FRK: variants seen among roughly 807,000 people sequenced by gnomAD.
The protein encoded by FRK is tyrosine-protein kinase FRK.
Under a neutral mutation model 56.4 loss-of-function variants are expected in FRK, and 51 were observed. That is an observed-to-expected ratio of 0.90 (90% CI 0.72 to 1.14). FRK has a LOEUF of 1.14. Ranked by LOEUF, FRK falls within the 50% of genes most tolerant of loss-of-function variation. The probability of loss-of-function intolerance (pLI) is 0.00; values close to 1 mark genes in which losing one functional copy is unlikely to be tolerated. For synonymous variants in FRK, 245 were observed against 217.9 expected (o/e 1.12, Z -1.10); for missense variants, 570 against 601.4 (o/e 0.95, Z 0.55).
chr6:116,026,147 G>A (rs527410861), intron 1 of FRK, among the ~76,000 whole-genome samples: 41 of 152,068 alleles, frequency 2.7e-4, no homozygotes, highest in African/African-American at 9.9e-4. Context: ...AGAGAACAGG[G>A]GCCTTATCTT....
chr6:116,093,866 C>T, the FRK span, among the ~76,000 whole-genome samples: 12 of 152,192 alleles, frequency 7.9e-5, no homozygotes, highest in Non-Finnish European at 1.2e-4. Context: ...ATTACCCAAT[C>T]AGCCACAGAT....
At chr6:116,065,012 T>C (rs1259897330), upstream of FRK, among the ~76,000 whole-genome samples, 2 of 152,162 alleles carry the variant, frequency 1.3e-5, no homozygotes, top group Non-Finnish European at 2.9e-5. Context: ...GTCTACTTAC[T>C]CCTGCCTGCA....
chr6:116,042,097 C>T (rs193106257), intron 1 of FRK, among the ~76,000 whole-genome samples: 11 of 152,260 alleles, frequency 7.2e-5, no homozygotes, highest in African/African-American at 1.7e-4. Context: ...CTTGAGTAGG[C>T]GGTTTTTCCC....
At chr6:116,039,016 C>A in intron 1 of FRK, 1 of 735,416 alleles carries the variant, frequency 1.4e-6, no homozygotes. Context: ...GACTGCAAAG[C>A]CAATCGAGGG....
chr6:115,992,561 A>G (rs1399162234), intron 2 of FRK, among the ~76,000 whole-genome samples: 1 of 151,802 alleles, frequency 6.6e-6, no homozygotes, highest in Admixed American at 6.6e-5. Flanking sequence ...AGGAAAAAAA[A>G]CAGTACCATT....
In FRK at chr6:115,932,840, C is replaced by T. The variant is rs1771980353; in HGVS notation, c.*9574G>A. On this transcript the variant is annotated 3_prime_UTR_variant, in exon 8 of 8. Transcript: ENST00000606080. ...CCACAGAGTCGGAAGAGTTTGGGCC[C>T]CTCCTGGTTCATTAGATCCACATGG... The T allele has an allele frequency of 6.6e-6, 1 of 152,174 alleles. No homozygotes were observed. The highest frequency in any genetic ancestry group is 2.1e-4 in the South Asian group (1 of 4,824). The allele number at this position is 152,174 out of a possible 1,614,324, so 9.4% of individuals were successfully genotyped here. A position where few individuals can be genotyped will look rare whatever the true frequency, so the allele number is the denominator to read the frequency against.
intron 1 of FRK, among the ~76,000 whole-genome samples, chr6:116,012,678 T>C (rs927942735): frequency 6.6e-6 from 1 of 152,216 alleles, no homozygotes; most frequent in African/African-American, 2.4e-5. Context: ...GCATTTTATA[T>C]AGTCTTCTGG....
chr6:116,100,472 G>A, the FRK span, among the ~76,000 whole-genome samples: 1 of 152,196 alleles, frequency 6.6e-6, no homozygotes, highest in South Asian at 2.1e-4. Context: ...CTCACACAGG[G>A]GTAAAAGGTC....
intron 2 of FRK, among the ~76,000 whole-genome samples, chr6:115,996,793 A>G (rs1774858024): frequency 6.6e-6 from 1 of 152,204 alleles, no homozygotes; most frequent in Non-Finnish European, 1.5e-5. Context: ...TTTAAAATCT[A>G]GTTTGAGATG....
rs1771976907 is a variant in FRK at position 115,932,653 on chromosome 6, G to T, written c.*9761C>A. 6.6e-6 allele frequency: 1 copy of T among 152,164 alleles called. No homozygotes were observed. The highest frequency in any genetic ancestry group is 2.4e-5 in the African/African-American group (1 of 41,442). The allele number at this position is 152,164 out of a possible 1,614,324, so 9.4% of individuals were successfully genotyped here. ...GACACAATACCAGAAAGGCTATTTG[G>T]TTCAGAAATCATATGCTCAACCAGA... On this transcript the variant is annotated 3_prime_UTR_variant, in exon 8 of 8. Coordinates refer to ENST00000606080, the MANE Select transcript of FRK (RefSeq NM_002031.3).
rs918718417 is a variant in FRK at position 115,937,228 on chromosome 6, G to A, written c.*5186C>T. The A allele has an allele frequency of 6.6e-6, 1 of 152,128 alleles. No homozygotes were observed. Among genetic ancestry groups the A allele is most frequent in the Non-Finnish European group, 1.5e-5 (1 of 68,024 alleles). The allele number at this position is 152,128 out of a possible 1,614,324, so 9.4% of individuals were successfully genotyped here. ...AGAATTTCATATCCAACCAAACTCAGTTTCATAAGCGAAGGAGAAATAAAA... is the reference window on the plus strand; with the variant it reads ...AGAATTTCATATCCAACCAAACTCAATTTCATAAGCGAAGGAGAAATAAAA... On this transcript the variant is annotated 3_prime_UTR_variant, in exon 8 of 8. Transcript: ENST00000606080.
chr6:116,073,201 C>G, the FRK span, among the ~76,000 whole-genome samples: 1 of 152,118 alleles, frequency 6.6e-6, no homozygotes, highest in Non-Finnish European at 1.5e-5. Flanking sequence ...TTCAGATTCT[C>G]TATGCTCTAA....
At position 116,054,015 on chromosome 6, in the gene FRK, G is replaced by A. The variant is rs140729967; in HGVS notation, c.344+5953C>T. ...CTCTTTTCTTCACATCTATGATTTTGCTATTATTTTTATGAAATATATTCT... is the reference window on the plus strand; with the variant it reads ...CTCTTTTCTTCACATCTATGATTTTACTATTATTTTTATGAAATATATTCT... On this transcript the variant is annotated intron_variant, in intron 1 of 7. Coordinates refer to ENST00000606080, the MANE Select transcript of FRK (RefSeq NM_002031.3). Among the ~76,000 whole-genome samples the A allele has an allele frequency of 3.1e-3, 477 of 151,750 alleles. 4 individuals carry two copies. Among genetic ancestry groups the A allele is most frequent in the East Asian group, 0.027 (141 of 5,172 alleles).
chr6:116,079,877 A>G, the FRK span, among the ~76,000 whole-genome samples: 1 of 152,122 alleles, frequency 6.6e-6, no homozygotes, highest in African/African-American at 2.4e-5. Flanking sequence ...CTTGGCCATA[A>G]CAACTCTCTT....
At chr6:115,971,927 G>C (rs1045574366) in intron 2 of FRK, among the ~76,000 whole-genome samples, 1 of 152,188 alleles carries the variant, frequency 6.6e-6, no homozygotes, top group Non-Finnish European at 1.5e-5. Flanking sequence ...AGGGAGTAAA[G>C]AAGGAGAAGG....
chr6:116,031,244 TA>T (rs764009763), intron 1 of FRK, among the ~76,000 whole-genome samples: 3 of 152,068 alleles, frequency 2.0e-5, no homozygotes, highest in East Asian at 1.9e-4. Flanking sequence ...TGCATAGAAG[TA>T]AAAAAGTGGA....
chr6:115,974,138 T>C (rs900370203), intron 2 of FRK, among the ~76,000 whole-genome samples: 6 of 152,102 alleles, frequency 3.9e-5, no homozygotes, highest in African/African-American at 1.4e-4. Flanking sequence ...AAAAAGAATT[T>C]CCCTTATATA....
At chr6:116,028,875 A>C (rs190216055) in intron 1 of FRK, among the ~76,000 whole-genome samples, 1 of 152,102 alleles carries the variant, frequency 6.6e-6, no homozygotes, top group Admixed American at 6.6e-5. Context: ...TCACTTATCA[A>C]TATATTTAGG....
the FRK span, among the ~76,000 whole-genome samples, chr6:116,091,697 G>A: frequency 1.3e-5 from 2 of 152,206 alleles, no homozygotes; most frequent in African/African-American, 4.8e-5. Flanking sequence ...CCAGTTAAAA[G>A]AGACTAGTGT....
Sources: allele counts gnomAD v4.1 joint callset (sites outside exome capture counted in the v4.1 genomes callset), GRCh38; gene constraint gnomAD v4.1.1; transcripts MANE v1.5; gene names NCBI Gene and HGNC (gene_info 2026-07-23, HGNC 2026-07-21).